Variants in PDK1 observed in about 807,000 individuals in gnomAD.
The protein encoded by PDK1 is pyruvate dehydrogenase kinase 1.
Under a neutral mutation model 54.2 loss-of-function variants are expected in PDK1, and 39 were observed. That is an observed-to-expected ratio of 0.72 (90% CI 0.56 to 0.94). PDK1 has a LOEUF of 0.94. PDK1 is among the 40% of genes least tolerant of loss of function. PDK1 has a pLI of 0.00. For missense variants in PDK1, 552 were observed against 566.0 expected, an observed-to-expected ratio of 0.98 and a Z score of 0.25; for synonymous variants, 221 against 207.1, an observed-to-expected ratio of 1.07 and a Z score of -0.58.
chr2:172,669,781 G>A, the PDK1 span, among the ~76,000 whole-genome samples: 1 of 152,184 alleles, frequency 6.6e-6, no homozygotes, highest in Admixed American at 6.6e-5. Flanking sequence ...TAATTTATCT[G>A]TTGGCCATTT....
chr2:172,665,154 G>T, the PDK1 span, among the ~76,000 whole-genome samples: 2 of 149,366 alleles, frequency 1.3e-5, no homozygotes, highest in Non-Finnish European at 3.0e-5. Context: ...GCCAAAGAAT[G>T]TTTTTTTTTT....
intron 9 of PDK1, among the ~76,000 whole-genome samples, chr2:172,589,361 A>G (rs1690442786): frequency 6.6e-6 from 1 of 152,242 alleles, no homozygotes; most frequent in Non-Finnish European, 1.5e-5. Context: ...CAGCAAAGCT[A>G]TCACCACCTT....
the PDK1 span, among the ~76,000 whole-genome samples, chr2:172,669,656 T>C: frequency 6.6e-6 from 1 of 152,220 alleles, no homozygotes; most frequent in East Asian, 1.9e-4. Flanking sequence ...AGCTTCTTTC[T>C]CTCCACGTCC....
chr2:172,622,586 A>AGATGTTTATATCTCATATATTATGAAG, the PDK1 span, among the ~76,000 whole-genome samples: 2 of 147,292 alleles, frequency 1.4e-5, no homozygotes, highest in African/African-American at 2.5e-5. Flanking sequence ...ATATTATGTG[A>AGATGTTTATATCTCATATATTATGAAG]GATGTTTATA....
rs923859625 is a variant in PDK1 at position 172,604,807 on chromosome 2, A to G, written c.*8838A>G. The G allele has an allele frequency of 3.3e-5, 5 of 152,256 alleles. No homozygotes were observed. The highest frequency in any genetic ancestry group is 9.6e-5 in the African/African-American group (4 of 41,460). 9.4% of individuals were successfully genotyped at this position (152,256 alleles called of 1,614,324 possible). A position where few individuals can be genotyped will look rare whatever the true frequency, so the allele number is the denominator to read the frequency against. On this transcript the variant is annotated 3_prime_UTR_variant, in exon 11 of 11. Coordinates refer to ENST00000282077, the MANE Select transcript of PDK1 (RefSeq NM_002610.5). ...TTGAGTGTTACTGTTTTGTGCCACA[A>G]TATGATGTGGCCAGACTACTTTTCT...
At chr2:172,659,961 C>G in the PDK1 span, among the ~76,000 whole-genome samples, 8 of 152,234 alleles carry the variant, frequency 5.3e-5, no homozygotes, top group South Asian at 8.3e-4. Flanking sequence ...ATCTAATGAT[C>G]TAAGTTGCCA....
chr2:172,638,125 A>G, the PDK1 span, among the ~76,000 whole-genome samples: 5 of 152,216 alleles, frequency 3.3e-5, no homozygotes, highest in Non-Finnish European at 5.9e-5. Context: ...CATGCAAGCA[A>G]CTGGTGATCA....
chr2:172,571,823 C>CGT (rs765005051), intron 8 of PDK1, among the ~76,000 whole-genome samples: 2,418 of 99,804 alleles, frequency 0.024, 360 homozygotes, highest in African/African-American at 0.082. Flanking sequence ...TCTTTCTTTA[C>CGT]TTTTTTTTTT....
chr2:172,573,520 CACAT>C (rs947380330), intron 8 of PDK1, among the ~76,000 whole-genome samples: 26 of 151,206 alleles, frequency 1.7e-4, no homozygotes, highest in African/African-American at 4.4e-4. Context: ...TATATACACA[CACAT>C]ACATATACAT....
chr2:172,660,245 C>CTTTT, the PDK1 span, among the ~76,000 whole-genome samples: 4,288 of 55,340 alleles, frequency 0.077, 1,079 homozygotes, highest in Non-Finnish European at 0.09. Flanking sequence ...CTCTCTCTCT[C>CTTTT]TCTTTTTTTT....
the PDK1 span, among the ~76,000 whole-genome samples, chr2:172,615,174 T>G: frequency 0.043 from 6,589 of 152,288 alleles, 498 homozygotes; most frequent in African/African-American, 0.15. Context: ...GCTGGGAGTC[T>G]GGCAAAGGGT....
At chr2:172,568,900 G>T in intron 7 of PDK1, 83 bp downstream of exon 7, 1 of 790,786 alleles carries the variant, frequency 1.3e-6, no homozygotes. Context: ...ATTCCACTAG[G>T]TTCTCCTATT....
chr2:172,662,548 T>C, the PDK1 span, among the ~76,000 whole-genome samples: 2 of 132,510 alleles, frequency 1.5e-5, no homozygotes, highest in African/African-American at 2.7e-5. Context: ...CATCTTTCCA[T>C]GTTATTCAGA....
the PDK1 span, among the ~76,000 whole-genome samples, chr2:172,646,735 C>CTTTTTTTTTTTTTTTTTTTCT: frequency 1.4e-5 from 1 of 72,060 alleles, no homozygotes; most frequent in Non-Finnish European, 2.7e-5. Flanking sequence ...CTTGCATTTC[C>CTTTTTTTTTTTTTTTTTTTCT]TTTTTTTTTT....
At chr2:172,704,140 G>A in the PDK1 span, among the ~76,000 whole-genome samples, 2 of 152,108 alleles carry the variant, frequency 1.3e-5, no homozygotes, top group Non-Finnish European at 2.9e-5. Context: ...GGGTTTAAGA[G>A]CATGTTCTCA....
chr2:172,626,130 G>A, the PDK1 span, among the ~76,000 whole-genome samples: 8 of 152,138 alleles, frequency 5.3e-5, no homozygotes, highest in Admixed American at 1.3e-4. Flanking sequence ...CTTTGGCTTG[G>A]GGCAAAATAA....
the PDK1 span, among the ~76,000 whole-genome samples, chr2:172,631,727 G>A: frequency 6.6e-6 from 1 of 152,112 alleles, no homozygotes; most frequent in Admixed American, 6.6e-5. Context: ...AAGGATATAA[G>A]GACAGGAAAA....
chr2:172,612,633 C>T (rs890097555), downstream of PDK1, among the ~76,000 whole-genome samples: 3 of 151,988 alleles, frequency 2.0e-5, no homozygotes, highest in African/African-American at 7.3e-5. Flanking sequence ...CAAATACATG[C>T]TGTACATGCA....
the PDK1 span, chr2:172,678,983 T>C: frequency 1.3e-5 from 2 of 152,200 alleles, no homozygotes; most frequent in Non-Finnish European, 2.9e-5. Flanking sequence ...TTAGAGTGTA[T>C]GATGTTGACT....
Sources: gnomAD v4.1 joint callset for allele counts (sites outside exome capture counted in the v4.1 genomes callset) on GRCh38, gnomAD v4.1.1 for gene constraint, MANE v1.5 for transcripts, NCBI Gene and HGNC (gene_info 2026-07-23, HGNC 2026-07-21) for gene names.